Variants in RPS6KC1 observed in about 807,000 individuals in gnomAD.
RPS6KC1 encodes inactive ribosomal protein S6 kinase delta-1.
Under a neutral mutation model 103.8 loss-of-function variants are expected in RPS6KC1, and 54 were observed. That is an observed-to-expected ratio of 0.52 (90% confidence interval 0.42 to 0.65). The LOEUF is 0.65. Ranked by LOEUF, RPS6KC1 falls within the 30% of genes least tolerant of loss-of-function variation. The pLI is 0.00. For missense variants in RPS6KC1, 1,151 were observed against 1,253.8 expected (o/e 0.92, Z 1.24); for synonymous variants, 439 against 438.7 (o/e 1.00, Z -0.01).
the RPS6KC1 span, among the ~76,000 whole-genome samples, chr1:213,653,658 C>G: frequency 6.6e-6 from 1 of 152,170 alleles, no homozygotes; most frequent in Non-Finnish European, 1.5e-5. Flanking sequence ...TTGATCATAT[C>G]TATCTCTCCC....
At chr1:213,660,852 A>G in the RPS6KC1 span, among the ~76,000 whole-genome samples, 85 of 152,340 alleles carry the variant, frequency 5.6e-4, no homozygotes, top group Middle Eastern at 6.8e-3. Context: ...GAGCAATGGA[A>G]CAAATCCTTC....
intron 1 of RPS6KC1, among the ~76,000 whole-genome samples, chr1:213,058,021 G>A (rs2077492089): frequency 6.8e-6 from 1 of 147,836 alleles, no homozygotes; most frequent in Admixed American, 6.7e-5. Flanking sequence ...GCCTGTCTTG[G>A]CCTTCCAAAG....
the RPS6KC1 span, among the ~76,000 whole-genome samples, chr1:213,627,047 C>G: frequency 6.6e-6 from 1 of 152,148 alleles, no homozygotes; most frequent in Non-Finnish European, 1.5e-5. Context: ...ACTGATTCTT[C>G]CTACCCATGA....
At chr1:213,168,667 G>A (rs997903084) in intron 7 of RPS6KC1, among the ~76,000 whole-genome samples, 1 of 151,810 alleles carries the variant, frequency 6.6e-6, no homozygotes, top group Non-Finnish European at 1.5e-5. Flanking sequence ...CTGTCCCCCA[G>A]ACTGGAGTGC....
chr1:213,084,136 C>T (rs1053222227), intron 3 of RPS6KC1, among the ~76,000 whole-genome samples: 9 of 152,038 alleles, frequency 5.9e-5, no homozygotes, highest in Non-Finnish European at 2.9e-5. Flanking sequence ...TTCTCCTTCC[C>T]TCTCTCCCTT....
chr1:213,391,069 A>C, the RPS6KC1 span, among the ~76,000 whole-genome samples: 1 of 152,024 alleles, frequency 6.6e-6, no homozygotes, highest in Non-Finnish European at 1.5e-5. Context: ...TCCTGAATTC[A>C]CTGGGATTTG....
At chr1:213,443,525 T>C in the RPS6KC1 span, among the ~76,000 whole-genome samples, 1 of 152,114 alleles carries the variant, frequency 6.6e-6, no homozygotes, top group Admixed American at 6.5e-5. Context: ...ATGTATTTTG[T>C]CTATATGGAA....
intron 6 of RPS6KC1, among the ~76,000 whole-genome samples, chr1:213,149,765 G>A (rs2088410493): frequency 6.6e-6 from 1 of 152,194 alleles, no homozygotes; most frequent in Non-Finnish European, 1.5e-5. Context: ...GCTATTATTA[G>A]ATTGGGGCCT....
the RPS6KC1 span, among the ~76,000 whole-genome samples, chr1:213,555,870 C>T: frequency 2.2e-4 from 33 of 152,338 alleles, no homozygotes; most frequent in African/African-American, 7.7e-4. Flanking sequence ...CCTTTTCCTT[C>T]ATCTTTTTCT....
chr1:213,344,373 G>C, the RPS6KC1 span, among the ~76,000 whole-genome samples: 5 of 152,134 alleles, frequency 3.3e-5, no homozygotes, highest in East Asian at 9.6e-4. Flanking sequence ...AAAGATAAAA[G>C]AAGAGAATTT....
At chr1:213,483,504 A>G in the RPS6KC1 span, among the ~76,000 whole-genome samples, 1 of 152,222 alleles carries the variant, frequency 6.6e-6, no homozygotes, top group South Asian at 2.1e-4. Context: ...CAAAGTTTTG[A>G]AATTGATGAT....
At chr1:213,214,463 G>T (rs891984138) in intron 8 of RPS6KC1, among the ~76,000 whole-genome samples, 4 of 152,190 alleles carry the variant, frequency 2.6e-5, no homozygotes, top group African/African-American at 9.6e-5. Flanking sequence ...GGGCATAGCC[G>T]AACAAAAGGC....
At chr1:213,393,908 T>A in the RPS6KC1 span, among the ~76,000 whole-genome samples, 1 of 149,924 alleles carries the variant, frequency 6.7e-6, no homozygotes, top group African/African-American at 2.5e-5. Flanking sequence ...TGGGGAGGAG[T>A]AAGGAGAGAG....
chr1:213,097,489 A>G (rs565270223), intron 3 of RPS6KC1, among the ~76,000 whole-genome samples: 1 of 152,286 alleles, frequency 6.6e-6, no homozygotes, highest in South Asian at 2.1e-4. Flanking sequence ...GGCAGAGTAG[A>G]TTTAGCCTAA....
chr1:213,525,726 A>G, the RPS6KC1 span, among the ~76,000 whole-genome samples: 1 of 152,142 alleles, frequency 6.6e-6, no homozygotes, highest in South Asian at 2.1e-4. Context: ...AAAAGGAGTG[A>G]TTATGATTGT....
At chr1:213,799,992 G>A in the RPS6KC1 span, among the ~76,000 whole-genome samples, 1 of 152,098 alleles carries the variant, frequency 6.6e-6, no homozygotes, top group Admixed American at 6.5e-5. Flanking sequence ...GTCCTCACAT[G>A]GCAGAAAAAG....
chr1:213,497,746 G>C, the RPS6KC1 span, among the ~76,000 whole-genome samples: 2 of 151,998 alleles, frequency 1.3e-5, no homozygotes, highest in Non-Finnish European at 2.9e-5. Context: ...TTCTGTAATA[G>C]TAAAAAGTAG....
chr1:213,375,173 A>C, the RPS6KC1 span, among the ~76,000 whole-genome samples: 1 of 143,104 alleles, frequency 7.0e-6, no homozygotes, highest in Non-Finnish European at 1.5e-5. Flanking sequence ...ATACACACAT[A>C]CACATACACA....
chr1:213,578,985 C>T, the RPS6KC1 span, among the ~76,000 whole-genome samples: 1 of 152,162 alleles, frequency 6.6e-6, no homozygotes, highest in African/African-American at 2.4e-5. Context: ...ACACAAATCT[C>T]ATCTTGAATT....
Sources: allele counts gnomAD v4.1 joint callset (sites outside exome capture counted in the v4.1 genomes callset), GRCh38; gene constraint gnomAD v4.1.1; transcripts MANE v1.5; gene names NCBI Gene and HGNC (gene_info 2026-07-23, HGNC 2026-07-21).